UBE2D1: variants seen among roughly 807,000 people sequenced by gnomAD.
UBE2D1 encodes the protein ubiquitin conjugating enzyme E2 D1.
A neutral mutation model predicts 24.6 loss-of-function variants in UBE2D1; 9 were observed. That is an observed-to-expected ratio of 0.37 (90% confidence interval 0.22 to 0.64). The LOEUF is 0.64. UBE2D1 is among the 30% of genes least tolerant of loss of function. The probability of loss-of-function intolerance (pLI) is 0.64; values close to 1 mark genes in which losing one functional copy is unlikely to be tolerated. For synonymous variants in UBE2D1, 57 were observed against 57.6 expected (o/e 0.99, Z 0.04); for missense variants, 87 against 177.1 (o/e 0.49, Z 2.89).
intron 6 of UBE2D1, 23 bp from the exon 7 acceptor site, chr10:58,368,697 A>G (rs1163618976): frequency 6.5e-6 from 10 of 1,529,624 alleles, no homozygotes; most frequent in African/African-American, 1.4e-5. Context: ...TGTTTTTACT[A>G]TATCCTTTTT....
intron 5 of UBE2D1, among the ~76,000 whole-genome samples, chr10:58,365,614 A>C (rs376251055): frequency 2.0e-5 from 3 of 152,186 alleles, no homozygotes; most frequent in African/African-American, 7.2e-5. Flanking sequence ...TATCAGGTGT[A>C]TACATAGGCA....
At chr10:58,368,644 T>G in intron 6 of UBE2D1, 76 bp from the exon 7 acceptor site, 1 of 1,003,302 alleles carries the variant, frequency 1.0e-6, no homozygotes, top group Non-Finnish European at 1.4e-6. Flanking sequence ...AGGTAGAATA[T>G]ATAGTTTTAT....
At chr10:58,341,697 C>T (rs967806972) in intron 1 of UBE2D1, among the ~76,000 whole-genome samples, 12 of 152,076 alleles carry the variant, frequency 7.9e-5, no homozygotes, top group African/African-American at 2.7e-4. Context: ...CGCTTTAGTT[C>T]CCTGAAATAC....
At chr10:58,360,063 C>T (rs1463355378) in intron 1 of UBE2D1, among the ~76,000 whole-genome samples, 3 of 152,198 alleles carry the variant, frequency 2.0e-5, no homozygotes, top group Non-Finnish European at 4.4e-5. Flanking sequence ...CTCCCTCACC[C>T]CCTACCTAAT....
intron 5 of UBE2D1, among the ~76,000 whole-genome samples, chr10:58,365,515 C>T (rs935124686): frequency 2.6e-4 from 39 of 152,166 alleles, no homozygotes; most frequent in African/African-American, 8.9e-4. Flanking sequence ...GTCTAAACTT[C>T]GAATAATCAG....
Position 58,364,770 on chromosome 10 carries a change from G to T in UBE2D1, c.199-1G>T. On this transcript the variant is annotated splice_acceptor_variant, in intron 4 of 6. Transcript: ENST00000373910. LOFTEE classifies it high-confidence loss of function. ...ATTTTGTTGTTTTGTTTTATGTTTA[G>T]ATTGCTTTCACAACAAAAATTTACC... 1.2e-6 allele frequency: 2 copies of T among 1,608,786 alleles called. No homozygotes were observed. Among genetic ancestry groups the T allele is most frequent in the African/African-American group, 1.3e-5 (1 of 74,862 alleles).
chr10:58,368,482 T>C, intron 6 of UBE2D1: 1 of 322,550 alleles, frequency 3.1e-6, no homozygotes, highest in Non-Finnish European at 5.7e-6. Flanking sequence ...GTTTCTGCAT[T>C]TTGATTTTTG....
intron 1 of UBE2D1, among the ~76,000 whole-genome samples, chr10:58,352,220 A>G (rs1445397644): frequency 6.6e-6 from 1 of 152,054 alleles, no homozygotes; most frequent in Non-Finnish European, 1.5e-5. Flanking sequence ...TTTTGCTTCC[A>G]CATCAAAAGT....
chr10:58,365,240 G>C (rs2132333206), intron 5 of UBE2D1, among the ~76,000 whole-genome samples: 1 of 152,266 alleles, frequency 6.6e-6, no homozygotes. Context: ...GAAGGCTGAA[G>C]TGGAGGATTG....
intron 1 of UBE2D1, among the ~76,000 whole-genome samples, chr10:58,357,114 G>A (rs902797039): frequency 6.6e-6 from 1 of 152,144 alleles, no homozygotes; most frequent in African/African-American, 2.4e-5. Flanking sequence ...AGTGAGGAAT[G>A]TGGAGTTAAG....
chr10:58,368,265 G>T, intron 6 of UBE2D1: 2 of 332,788 alleles, frequency 6.0e-6, no homozygotes, highest in South Asian at 7.2e-5. Flanking sequence ...TATATTCTAG[G>T]TGATAAATTA....
chr10:58,355,762 C>G (rs1179920900), intron 1 of UBE2D1, among the ~76,000 whole-genome samples: 1 of 152,086 alleles, frequency 6.6e-6, no homozygotes, highest in Non-Finnish European at 1.5e-5. Flanking sequence ...CCTAACTTCC[C>G]CTAATACAAC....
chr10:58,338,955 C>T (rs1007550642), intron 1 of UBE2D1, among the ~76,000 whole-genome samples: 1 of 152,076 alleles, frequency 6.6e-6, no homozygotes, highest in African/African-American at 2.4e-5. Flanking sequence ...TATAGAGAGA[C>T]ATAGATTAAA....
intron 1 of UBE2D1, among the ~76,000 whole-genome samples, chr10:58,359,584 G>T (rs544121388): frequency 1.2e-4 from 18 of 152,120 alleles, no homozygotes; most frequent in Non-Finnish European, 1.9e-4. Flanking sequence ...GTCTTCTATT[G>T]TTCTCTATCT....
rs997052615 is a variant in UBE2D1, at chr10:58,356,240, C to T, written c.25-5098C>T. On this transcript the variant is annotated intron_variant, in intron 1 of 6. Transcript: ENST00000373910. ...AAGAAGTAGCAACCCAGTAGTATCT[C>T]CCAGAGATAACTACCATTAACAATT... Among the ~76,000 whole-genome samples, 37 of 152,146 alleles carry T rather than the reference C, an allele frequency of 2.4e-4. 1 individual carries two copies. Among genetic ancestry groups the T allele is most frequent in the African/African-American group, 8.4e-4 (35 of 41,514 alleles).
chr10:58,337,631 A>G (rs1839916806), intron 1 of UBE2D1, among the ~76,000 whole-genome samples: 1 of 152,028 alleles, frequency 6.6e-6, no homozygotes, highest in South Asian at 2.1e-4. Context: ...GCTGTAGTGT[A>G]GTAGAGGGTA....
intron 1 of UBE2D1, among the ~76,000 whole-genome samples, chr10:58,347,233 C>T (rs1243075785): frequency 6.6e-6 from 1 of 152,168 alleles, no homozygotes; most frequent in African/African-American, 2.4e-5. Flanking sequence ...AGAATCTGAA[C>T]AATTTGGTAC....
intron 1 of UBE2D1, among the ~76,000 whole-genome samples, chr10:58,335,862 CAT>C (rs1839898083): frequency 6.6e-6 from 1 of 152,316 alleles, no homozygotes; most frequent in South Asian, 2.1e-4. Context: ...GTAGCGAAAA[CAT>C]AGTTGCTGAT....
chr10:58,335,565 G>T (rs1305473458), intron 1 of UBE2D1, among the ~76,000 whole-genome samples: 1 of 152,248 alleles, frequency 6.6e-6, no homozygotes, highest in Non-Finnish European at 1.5e-5. Flanking sequence ...CCTCCATGGG[G>T]CTAGTTTTGA....
Sources: gnomAD v4.1 joint callset for allele counts (sites outside exome capture counted in the v4.1 genomes callset) on GRCh38, gnomAD v4.1.1 for gene constraint, MANE v1.5 for transcripts, NCBI Gene and HGNC (gene_info 2026-07-23, HGNC 2026-07-21) for gene names.